Variants in FRAS1 observed in about 807,000 individuals in gnomAD.
FRAS1 encodes extracellular matrix organizing protein FRAS1.
A neutral mutation model predicts 435.2 loss-of-function variants in FRAS1; 290 were observed. The observed-to-expected ratio is 0.67, with a 90% CI of 0.61 to 0.73. The LOEUF (loss-of-function observed/expected upper bound fraction) is 0.73, where lower values mean the gene tolerates loss of function less well. FRAS1 is among the 30% of genes least tolerant of loss of function. The pLI is 0.00. For missense variants in FRAS1, 4,860 were observed against 5,001.5 expected, an observed-to-expected ratio of 0.97 and a Z score of 0.85; for synonymous variants, 1,800 against 1,851.0, an observed-to-expected ratio of 0.97 and a Z score of 0.71.
chr4:78,465,972 G>A (rs1719513743), intron 49 of FRAS1, among the ~76,000 whole-genome samples: 1 of 152,164 alleles, frequency 6.6e-6, no homozygotes, highest in Non-Finnish European at 1.5e-5. Context: ...GACCTGAAGA[G>A]AAGAAATTTA....
chr4:78,432,254 A>G, intron 37 of FRAS1, 103 bp from the exon 38 acceptor site: 2 of 1,172,488 alleles, frequency 1.7e-6, no homozygotes, highest in Non-Finnish European at 2.3e-6. Flanking sequence ...TCCCTGAGTT[A>G]TGATCCTATA....
At chr4:78,247,336 T>C (rs533721808) in intron 4 of FRAS1, among the ~76,000 whole-genome samples, 89 of 152,288 alleles carry the variant, frequency 5.8e-4, no homozygotes, top group African/African-American at 1.9e-3. Context: ...GAAAATGTTA[T>C]ATTTCTGGTA....
chr4:78,473,598 G>A lies in FRAS1; in HGVS notation c.7682+1G>A. On this transcript the variant is annotated splice_donor_variant, in intron 53 of 73. Transcript: ENST00000512123. LOFTEE classifies it high-confidence loss of function. ...CACTCATCAGCTTTAAATATACCAG[G>A]TACAAGTTTTACTGTGCTTTCCTTC... 1 of 1,577,760 alleles carries A rather than the reference G, an allele frequency of 6.3e-7. No individual in the cohort carries two copies. Among genetic ancestry groups the A allele is most frequent in the Non-Finnish European group, 8.6e-7 (1 of 1,159,746 alleles).
Position 78,333,261 on chromosome 4 carries a change from CT to C in FRAS1, c.2138-8del. On this transcript the variant is annotated splice_polypyrimidine_tract_variant and intron_variant, in intron 18 of 73. Transcript: ENST00000512123. ...TTCCTGATTGTCTCCTTTGCTTTAT[CT>C]TTCCCCCAGCTTGCCACCAGTCCTG... is the stretch of plus-strand genomic sequence containing the variant. 1 of 1,599,434 alleles carries C rather than the reference CT, an allele frequency of 6.3e-7. No homozygotes were observed. Among genetic ancestry groups the C allele is most frequent in the South Asian group, 1.1e-5 (1 of 88,204 alleles).
intron 36 of FRAS1, among the ~76,000 whole-genome samples, chr4:78,429,997 G>T (rs1180055668): frequency 6.6e-6 from 1 of 152,180 alleles, no homozygotes. Context: ...GCTAGTCAGG[G>T]TTGACCTACC....
chr4:78,258,869 A>C lies in FRAS1; in HGVS notation c.603+3494A>C, dbSNP rs1459554288. On this transcript the variant is annotated intron_variant, in intron 6 of 73. Coordinates refer to ENST00000512123, the MANE Select transcript of FRAS1 (RefSeq NM_025074.7). Reference sequence around the variant, plus strand: ...TATCCCTCCCCCCTCCCCCCACCCCACAACAGTCCCCAGAGTGTGATGTTC... The same window carrying C: ...TATCCCTCCCCCCTCCCCCCACCCCCCAACAGTCCCCAGAGTGTGATGTTC... 3.3e-4 allele frequency among the ~76,000 whole-genome samples: 24 copies of C among 73,368 alleles called. No homozygotes were observed. The East Asian group carries it at 0.012, about 35-fold the overall frequency. The allele number at this position is 73,368 out of a possible 152,430, so 48.1% of individuals were successfully genotyped here.
At chr4:78,363,286 T>C (rs1489038661) in intron 20 of FRAS1, among the ~76,000 whole-genome samples, 1 of 152,192 alleles carries the variant, frequency 6.6e-6, no homozygotes, top group Non-Finnish European at 1.5e-5. Flanking sequence ...TGGAAAGGGA[T>C]GAAAACTCAA....
intron 2 of FRAS1, among the ~76,000 whole-genome samples, chr4:78,133,614 C>A (rs1448324217): frequency 6.6e-6 from 1 of 152,160 alleles, no homozygotes; most frequent in Non-Finnish European, 1.5e-5. Flanking sequence ...CTGCCTGTAT[C>A]AAAACATCTC....
chr4:78,443,065 G>A (rs1460625536), intron 41 of FRAS1, among the ~76,000 whole-genome samples: 1 of 152,208 alleles, frequency 6.6e-6, no homozygotes, highest in Non-Finnish European at 1.5e-5. Context: ...TAAGAAACTA[G>A]CAGCTGGGCA....
chr4:78,299,048 T>C (rs756645434), intron 14 of FRAS1, among the ~76,000 whole-genome samples: 2 of 152,150 alleles, frequency 1.3e-5, no homozygotes, highest in Non-Finnish European at 2.9e-5. Flanking sequence ...CAGGAAATTA[T>C]ATATAAACAG....
chr4:78,085,504 C>A (rs964091930), intron 2 of FRAS1, among the ~76,000 whole-genome samples: 1 of 152,102 alleles, frequency 6.6e-6, no homozygotes, highest in Non-Finnish European at 1.5e-5. Flanking sequence ...CTGGTGATGA[C>A]AGAGCTGTAG....
At chr4:78,147,673 T>C (rs1027983165) in intron 2 of FRAS1, among the ~76,000 whole-genome samples, 1 of 152,184 alleles carries the variant, frequency 6.6e-6, no homozygotes, top group African/African-American at 2.4e-5. Flanking sequence ...TGTTTTCTTA[T>C]GTTTAAAACT....
At chr4:78,186,181 T>C (rs1247440916) in intron 2 of FRAS1, among the ~76,000 whole-genome samples, 2 of 152,168 alleles carry the variant, frequency 1.3e-5, no homozygotes, top group African/African-American at 2.4e-5. Flanking sequence ...TTGATGAATG[T>C]CTGATTTTTT....
At chr4:78,375,936 G>A in intron 26 of FRAS1, 57 bp downstream of exon 26, 5 of 1,583,816 alleles carry the variant, frequency 3.2e-6, no homozygotes, top group Non-Finnish European at 4.3e-6. Flanking sequence ...TCTATGTGAA[G>A]GCTGAGTTTG....
At chr4:78,193,439 A>G (rs1722646015) in intron 2 of FRAS1, among the ~76,000 whole-genome samples, 1 of 152,196 alleles carries the variant, frequency 6.6e-6, no homozygotes, top group South Asian at 2.1e-4. Flanking sequence ...GACTTGCTTT[A>G]TGAATCTGGG....
chr4:78,315,263 A>G (rs1371314112), intron 15 of FRAS1, among the ~76,000 whole-genome samples: 1 of 152,220 alleles, frequency 6.6e-6, no homozygotes, highest in African/African-American at 2.4e-5. Flanking sequence ...TTTATGGAGC[A>G]TCTGATATTT....
intron 15 of FRAS1, among the ~76,000 whole-genome samples, chr4:78,312,179 C>CATATAT (rs10526590): frequency 0.091 from 11,753 of 128,544 alleles, 1,075 homozygotes; most frequent in East Asian, 0.31. Context: ...ATCTGAAGTC[C>CATATAT]ATATATATAT....
At chr4:78,354,420 A>T (rs1173587519) in intron 20 of FRAS1, among the ~76,000 whole-genome samples, 8 of 152,200 alleles carry the variant, frequency 5.3e-5, no homozygotes, top group Admixed American at 5.2e-4. Flanking sequence ...ATGATTTGTA[A>T]CAGCTTACGG....
chr4:78,259,889 G>A (rs1482124991), intron 6 of FRAS1, among the ~76,000 whole-genome samples: 2 of 152,146 alleles, frequency 1.3e-5, no homozygotes, highest in Admixed American at 1.3e-4. Flanking sequence ...TTTGTATAAG[G>A]TGTAAGGAAG....
Sources: gnomAD v4.1 joint callset for allele counts (sites outside exome capture counted in the v4.1 genomes callset) on GRCh38, gnomAD v4.1.1 for gene constraint, MANE v1.5 for transcripts, NCBI Gene and HGNC (gene_info 2026-07-23, HGNC 2026-07-21) for gene names.